SH3RF3: variants seen among roughly 807,000 people sequenced by gnomAD.
SH3RF3 encodes SH3 domain containing ring finger 3.
A neutral mutation model predicts 66.3 loss-of-function variants in SH3RF3; 29 were observed. That is an observed-to-expected ratio of 0.44 (90% CI 0.33 to 0.60). SH3RF3 has a LOEUF of 0.60. SH3RF3 is among the 20% of genes least tolerant of loss of function. The pLI, the probability that SH3RF3 is intolerant of heterozygous loss-of-function variation, is 0.04. For synonymous variants in SH3RF3, 583 were observed against 532.0 expected (o/e 1.10, Z -1.32); for missense variants, 1,194 against 1,190.9 (o/e 1.00, Z -0.04).
In SH3RF3 at chr2:109,353,114, C is replaced by T. The variant is rs141776516; in HGVS notation, c.849+5165C>T. Among the ~76,000 whole-genome samples the T allele has an allele frequency of 2.0e-3, 298 of 152,348 alleles. 1 individual carries two copies. The highest frequency in any genetic ancestry group is 3.4e-3 in the Non-Finnish European group (231 of 68,030). On this transcript the variant is annotated intron_variant, in intron 2 of 9. Transcript: ENST00000309415. ...GCTCAGAGTCCTCAGTGGCTCTCCA[C>T]CTGTCCCGGAGTCATGGCAAAGTTG...
intron 5 of SH3RF3, among the ~76,000 whole-genome samples, chr2:109,432,037 A>C (rs982917232): frequency 2.0e-5 from 3 of 152,194 alleles, no homozygotes; most frequent in Admixed American, 2.0e-4. Flanking sequence ...GGTTATATTA[A>C]GTGAGGAAAA....
At chr2:109,414,608 T>G (rs905006274) in intron 4 of SH3RF3, among the ~76,000 whole-genome samples, 1 of 152,176 alleles carries the variant, frequency 6.6e-6, no homozygotes, top group Non-Finnish European at 1.5e-5. Flanking sequence ...GCCTCATAGA[T>G]CAGCTATACA....
intron 3 of SH3RF3, among the ~76,000 whole-genome samples, chr2:109,389,199 G>T (rs1675912401): frequency 2.0e-5 from 3 of 152,210 alleles, no homozygotes; most frequent in Non-Finnish European, 4.4e-5. Flanking sequence ...GGTGCCTGTG[G>T]GTTTTGAGTC....
chr2:109,416,426 C>T (rs977703741), intron 4 of SH3RF3, among the ~76,000 whole-genome samples: 1 of 152,122 alleles, frequency 6.6e-6, no homozygotes, highest in Non-Finnish European at 1.5e-5. Flanking sequence ...GAAACCCCCC[C>T]GTTTCTACTA....
intron 1 of SH3RF3, among the ~76,000 whole-genome samples, chr2:109,203,220 G>A (rs1315715021): frequency 6.6e-6 from 1 of 152,176 alleles, no homozygotes; most frequent in African/African-American, 2.4e-5. Context: ...AGAGAGCCAG[G>A]AGCCTCTTCA....
intron 2 of SH3RF3, among the ~76,000 whole-genome samples, chr2:109,371,262 C>A (rs1474659051): frequency 1.3e-5 from 2 of 152,204 alleles, no homozygotes; most frequent in East Asian, 1.9e-4. Context: ...TGGTGGCACA[C>A]GCCTGTAATC....
At chr2:109,501,156 G>A (rs749583297) in intron 9 of SH3RF3, among the ~76,000 whole-genome samples, 1 of 152,030 alleles carries the variant, frequency 6.6e-6, no homozygotes, top group Non-Finnish European at 1.5e-5. Flanking sequence ...CCCCGCCCCT[G>A]CCCCTGGGAG....
intron 3 of SH3RF3, among the ~76,000 whole-genome samples, chr2:109,372,864 C>T (rs1234956133): frequency 6.6e-6 from 1 of 152,218 alleles, no homozygotes; most frequent in East Asian, 1.9e-4. Context: ...CTTTGCCACA[C>T]CTACCACACA....
At chr2:109,340,106 G>A (rs1682526359) in intron 1 of SH3RF3, among the ~76,000 whole-genome samples, 1 of 152,188 alleles carries the variant, frequency 6.6e-6, no homozygotes, top group Non-Finnish European at 1.5e-5. Context: ...GGGAGTAGCA[G>A]CTAAATAATG....
rs575021816 is a variant in SH3RF3 at position 109,363,261 on chromosome 2, G to T, written c.850-8325G>T. 5.1e-4 allele frequency among the ~76,000 whole-genome samples: 77 copies of T among 151,670 alleles called. 1 individual carries two copies. Among genetic ancestry groups the T allele is most frequent in the African/African-American group, 1.8e-3 (75 of 41,328 alleles). On this transcript the variant is annotated intron_variant, in intron 2 of 9. Transcript: ENST00000309415. ...TTTACTTTTTTAATTGGTTGCATTG[G>T]AGTCTGCAATATTCATTTACAATGA... is the stretch of plus-strand genomic sequence containing the variant.
chr2:109,173,679 C>A (rs142629456), intron 1 of SH3RF3, among the ~76,000 whole-genome samples: 12 of 152,124 alleles, frequency 7.9e-5, no homozygotes, highest in Non-Finnish European at 1.0e-4. Flanking sequence ...AGGAGACCCA[C>A]GGCAAAGACA....
intron 1 of SH3RF3, among the ~76,000 whole-genome samples, chr2:109,260,221 T>A (rs1392414151): frequency 1.3e-5 from 2 of 152,118 alleles, no homozygotes; most frequent in Non-Finnish European, 2.9e-5. Context: ...GGCAGCCCTG[T>A]GATTTACCGT....
intron 4 of SH3RF3, among the ~76,000 whole-genome samples, chr2:109,419,289 C>G (rs1054665623): frequency 2.6e-5 from 4 of 152,132 alleles, no homozygotes; most frequent in African/African-American, 9.7e-5. Flanking sequence ...TGCTGACCAG[C>G]CTAGATGCAG....
intron 1 of SH3RF3, among the ~76,000 whole-genome samples, chr2:109,338,188 C>T (rs1682473411): frequency 6.6e-6 from 1 of 152,176 alleles, no homozygotes. Flanking sequence ...GTGCCAGGCA[C>T]TGTTAGGAGT....
intron 1 of SH3RF3, among the ~76,000 whole-genome samples, chr2:109,243,157 G>A (rs1679827818): frequency 6.6e-6 from 1 of 152,270 alleles, no homozygotes. Flanking sequence ...CCTTGTGCAG[G>A]TGTCTTGTAA....
intron 1 of SH3RF3, among the ~76,000 whole-genome samples, chr2:109,228,893 A>G (rs1679434143): frequency 6.6e-6 from 1 of 152,132 alleles, no homozygotes; most frequent in South Asian, 2.1e-4. Flanking sequence ...TATCAACACA[A>G]TATCCAGCCC....
rs1680324704 is a variant in SH3RF3, at chr2:109,260,559, C to A, written c.574-87115C>A. Among the ~76,000 whole-genome samples the A allele has an allele frequency of 2.0e-5, 3 of 152,210 alleles. No individual in the cohort carries two copies. In the South Asian group the frequency reaches 6.2e-4, roughly 32 times the overall value. On this transcript the variant is annotated intron_variant, in intron 1 of 9. Transcript: ENST00000309415. The stretch of plus-strand genomic sequence containing the variant: ...AGCGTGGGCACAGGGACACCTTGGT[C>A]ATAGGCAAGAGGGCTCCCGATCTTG...
chr2:109,419,464 C>T (rs1676813504), intron 4 of SH3RF3, 75 bp from the exon 5 acceptor site: 13 of 1,442,486 alleles, frequency 9.0e-6, no homozygotes, highest in Non-Finnish European at 1.2e-5. Flanking sequence ...GTGGATGCAG[C>T]CTCATTTTGC....
At chr2:109,470,321 C>T (rs1044126951) in intron 8 of SH3RF3, among the ~76,000 whole-genome samples, 13 of 152,284 alleles carry the variant, frequency 8.5e-5, no homozygotes, top group African/African-American at 2.2e-4. Context: ...GCTTGCATTT[C>T]GGGTAGACTC....
Sources: gnomAD v4.1 joint callset for allele counts (sites outside exome capture counted in the v4.1 genomes callset) on GRCh38, gnomAD v4.1.1 for gene constraint, MANE v1.5 for transcripts, NCBI Gene and HGNC (gene_info 2026-07-23, HGNC 2026-07-21) for gene names.